BABAM2: variants seen among roughly 807,000 people sequenced by gnomAD.
The protein encoded by BABAM2 is BRISC and BRCA1 A complex member 2, also known as BRISC and BRCA1-A complex member 2.
In BABAM2, 31 loss-of-function variants were observed where a neutral mutation model predicts 54.7. The ratio of observed to expected loss-of-function variants is 0.57; its 90% CI spans 0.43 to 0.77. BABAM2 has a LOEUF of 0.77. Ranked by LOEUF, BABAM2 falls within the 30% of genes least tolerant of loss-of-function variation. The pLI, the probability that BABAM2 is intolerant of heterozygous loss-of-function variation, is 0.00. For synonymous variants in BABAM2, 167 were observed against 162.9 expected, an observed-to-expected ratio of 1.03 and a Z score of -0.19; for missense variants, 364 against 455.8, an observed-to-expected ratio of 0.80 and a Z score of 1.83.
At chr2:28,160,078 C>T (rs1672918924) in intron 7 of BABAM2, among the ~76,000 whole-genome samples, 1 of 152,056 alleles carries the variant, frequency 6.6e-6, no homozygotes, top group Admixed American at 6.6e-5. Flanking sequence ...AACTCCTGGG[C>T]TCAAGTGATC....
intron 1 of BABAM2, 91 bp from the exon 2 acceptor site, chr2:27,894,442 G>A: frequency 8.3e-7 from 1 of 1,211,944 alleles, no homozygotes; most frequent in South Asian, 1.4e-5. Context: ...TCATGCAAGA[G>A]GAACTGCTGT....
At chr2:28,115,005 G>T (rs776479435) in intron 6 of BABAM2, among the ~76,000 whole-genome samples, 3 of 152,018 alleles carry the variant, frequency 2.0e-5, no homozygotes, top group Admixed American at 6.6e-5. Flanking sequence ...TTGTTTTTCA[G>T]ATATTTATTG....
At chr2:28,158,567 C>G (rs941688144) in intron 7 of BABAM2, among the ~76,000 whole-genome samples, 10 of 152,208 alleles carry the variant, frequency 6.6e-5, no homozygotes, top group African/African-American at 2.4e-4. Context: ...GAATGTTCAT[C>G]TGTTAGGATT....
chr2:28,130,409 C>A (rs535699533), intron 7 of BABAM2, among the ~76,000 whole-genome samples: 1 of 152,250 alleles, frequency 6.6e-6, no homozygotes, highest in South Asian at 2.1e-4. Flanking sequence ...ATATATCTGA[C>A]ACAGCACTTA....
chr2:28,031,848 C>T (rs931576193), intron 5 of BABAM2, among the ~76,000 whole-genome samples: 1 of 152,092 alleles, frequency 6.6e-6, no homozygotes, highest in African/African-American at 2.4e-5. Flanking sequence ...CTGGGGAAAA[C>T]TTAGGGACAT....
chr2:28,022,701 A>G (rs1675363065), intron 4 of BABAM2, among the ~76,000 whole-genome samples: 1 of 152,184 alleles, frequency 6.6e-6, no homozygotes, highest in East Asian at 1.9e-4. Flanking sequence ...AAAAAGATGT[A>G]GAAGAAGAAC....
intron 6 of BABAM2, among the ~76,000 whole-genome samples, chr2:28,093,677 A>G (rs1666354400): frequency 6.6e-6 from 1 of 152,182 alleles, no homozygotes; most frequent in Non-Finnish European, 1.5e-5. Flanking sequence ...TGAATTAATT[A>G]TTCCATTGTT....
At chr2:28,164,957 G>C (rs1397173711) in intron 7 of BABAM2, among the ~76,000 whole-genome samples, 1 of 152,058 alleles carries the variant, frequency 6.6e-6, no homozygotes, top group East Asian at 1.9e-4. Context: ...CACTGTACTA[G>C]GTATCAAAAG....
At chr2:28,066,086 A>T (rs1663522209) in intron 6 of BABAM2, among the ~76,000 whole-genome samples, 1 of 151,308 alleles carries the variant, frequency 6.6e-6, no homozygotes, top group Admixed American at 6.6e-5. Context: ...TTGAACCTGG[A>T]AGGTGGAAGT....
intron 6 of BABAM2, among the ~76,000 whole-genome samples, chr2:28,069,033 A>G (rs1010769888): frequency 1.3e-5 from 2 of 152,210 alleles, no homozygotes; most frequent in Non-Finnish European, 2.9e-5. Flanking sequence ...GAATAAAGAT[A>G]GCTATCCATG....
intron 10 of BABAM2, among the ~76,000 whole-genome samples, chr2:28,273,749 G>A (rs1404201631): frequency 6.6e-6 from 1 of 151,984 alleles, no homozygotes; most frequent in Admixed American, 6.6e-5. Context: ...AGCTTCATGG[G>A]TAAATCTGAT....
rs1264586810 is a variant in BABAM2, at chr2:28,306,886, C to T, written c.1088+8395C>T. ...CTAATTTTTGTATTTTTAGTAGAGA[C>T]GGGGTTTCACCATGTTGGCCAGACT... is the stretch of plus-strand genomic sequence containing the variant. On this transcript the variant is annotated intron_variant, in intron 11 of 11. Coordinates refer to ENST00000379624, the MANE Select transcript of BABAM2 (RefSeq NM_199191.3). Among the ~76,000 whole-genome samples the T allele has an allele frequency of 1.5e-4, 23 of 149,540 alleles. No homozygotes were observed. The East Asian group carries it at 1.6e-3, about 10-fold the overall frequency.
chr2:28,327,593 T>G, intron 11 of BABAM2: 1 of 955,638 alleles, frequency 1.0e-6, no homozygotes, highest in Non-Finnish European at 1.5e-6. Context: ...GAGACCACAG[T>G]CAGCCTTCTC....
At chr2:28,331,713 TTG>T (rs1267050577) in intron 11 of BABAM2, among the ~76,000 whole-genome samples, 1 of 152,240 alleles carries the variant, frequency 6.6e-6, no homozygotes, top group African/African-American at 2.4e-5. Context: ...TTTTACACTG[TTG>T]GTGGGAATGT....
intron 4 of BABAM2, among the ~76,000 whole-genome samples, chr2:28,004,120 T>C (rs1673776236): frequency 1.0e-5 from 1 of 100,378 alleles, no homozygotes; most frequent in Admixed American, 9.5e-5. Flanking sequence ...TTCTCCAACA[T>C]TTTTAAAAAG....
intron 4 of BABAM2, among the ~76,000 whole-genome samples, chr2:27,993,370 A>C (rs1432327945): frequency 6.6e-6 from 1 of 152,216 alleles, no homozygotes; most frequent in Non-Finnish European, 1.5e-5. Flanking sequence ...CCAGGACTAG[A>C]AAATACACTT....
chr2:28,044,124 C>CA (rs985639794), intron 5 of BABAM2, among the ~76,000 whole-genome samples: 9 of 152,310 alleles, frequency 5.9e-5, no homozygotes, highest in African/African-American at 2.2e-4. Flanking sequence ...AGCGGTAAAA[C>CA]AAACAACATT....
intron 6 of BABAM2, among the ~76,000 whole-genome samples, chr2:28,100,963 G>C (rs1050257336): frequency 6.6e-6 from 1 of 152,140 alleles, no homozygotes; most frequent in Non-Finnish European, 1.5e-5. Flanking sequence ...ATACAGAGAA[G>C]GCAACAGATA....
chr2:28,137,672 C>T (rs1367144044), intron 7 of BABAM2, among the ~76,000 whole-genome samples: 1 of 151,640 alleles, frequency 6.6e-6, no homozygotes, highest in Admixed American at 6.6e-5. Context: ...CTCCCACCTC[C>T]CTAGCCACTT....
Sources: allele counts gnomAD v4.1 joint callset (sites outside exome capture counted in the v4.1 genomes callset), GRCh38; gene constraint gnomAD v4.1.1; transcripts MANE v1.5; gene names NCBI Gene and HGNC (gene_info 2026-07-23, HGNC 2026-07-21).